Variants in SAMD12 observed in about 807,000 individuals in gnomAD.
SAMD12 encodes the protein sterile alpha motif domain-containing protein 12.
A neutral mutation model predicts 15.0 loss-of-function variants in SAMD12; 9 were observed. The ratio of observed to expected loss-of-function variants is 0.60; its 90% confidence interval spans 0.36 to 1.05. The LOEUF is 1.05. SAMD12 is among the 50% of genes least tolerant of loss of function. The pLI is 0.01. For synonymous variants in SAMD12, 86 were observed against 90.1 expected (o/e 0.96, Z 0.25); for missense variants, 230 against 234.2 (o/e 0.98, Z 0.12).
At chr8:118,560,945 GTCAC>G (rs1458159404) in intron 2 of SAMD12, among the ~76,000 whole-genome samples, 1 of 152,150 alleles carries the variant, frequency 6.6e-6, no homozygotes, top group East Asian at 1.9e-4. Context: ...ACAGGGTTAT[GTCAC>G]TCAGATAATA....
intron 4 of SAMD12, among the ~76,000 whole-genome samples, chr8:118,322,874 T>TA (rs201302381): frequency 2.2e-4 from 25 of 112,846 alleles, no homozygotes; most frequent in African/African-American, 1.1e-3. Context: ...TTTTTTAAAT[T>TA]AAAAAAAATT....
At chr8:118,161,595 A>G in the SAMD12 span, among the ~76,000 whole-genome samples, 1 of 151,858 alleles carries the variant, frequency 6.6e-6, no homozygotes, top group African/African-American at 2.4e-5. Flanking sequence ...GTGAGAAGAA[A>G]TATAAAGACA....
At chr8:118,250,338 G>A (rs190269569) in intron 4 of SAMD12, among the ~76,000 whole-genome samples, 1 of 152,158 alleles carries the variant, frequency 6.6e-6, no homozygotes, top group East Asian at 1.9e-4. Flanking sequence ...AAAAATAAGG[G>A]AGTGATGTAA....
chr8:118,202,207 T>C (rs1819734951), intron 4 of SAMD12, among the ~76,000 whole-genome samples: 1 of 152,240 alleles, frequency 6.6e-6, no homozygotes, highest in South Asian at 2.1e-4. Flanking sequence ...TTATTATTAT[T>C]ATCATGAATT....
chr8:118,600,742 G>A (rs146382791), intron 1 of SAMD12, among the ~76,000 whole-genome samples: 279 of 151,926 alleles, frequency 1.8e-3, no homozygotes, highest in African/African-American at 6.5e-3. Context: ...CAAGAGCCTT[G>A]AAGTCTTATC....
rs28370848 is a variant in SAMD12, at chr8:118,244,173, C to T, written c.434-46441G>A. Among the ~76,000 whole-genome samples, 272 of 152,202 alleles carry T rather than the reference C, an allele frequency of 1.8e-3. 1 individual carries two copies. Among genetic ancestry groups the T allele is most frequent in the African/African-American group, 6.0e-3 (251 of 41,532 alleles). On this transcript the variant is annotated intron_variant, in intron 4 of 4. Transcript: ENST00000409003. ...GCAGCCATTGTTGGAGTACATACTG[C>T]GCATATATAAAGGTGCTAATTCATT...
chr8:118,257,851 C>T (rs1482422175), intron 4 of SAMD12, among the ~76,000 whole-genome samples: 1 of 152,118 alleles, frequency 6.6e-6, no homozygotes, highest in Non-Finnish European at 1.5e-5. Flanking sequence ...GATGTTCAGT[C>T]ATATTAGACA....
the SAMD12 span, among the ~76,000 whole-genome samples, chr8:118,148,513 A>G: frequency 1.3e-5 from 2 of 152,210 alleles, no homozygotes; most frequent in African/African-American, 2.4e-5. Context: ...TGATCTTTTA[A>G]AAAAACTGCT....
chr8:118,251,837 T>A (rs1247354756), intron 4 of SAMD12, among the ~76,000 whole-genome samples: 1 of 152,082 alleles, frequency 6.6e-6, no homozygotes, highest in Non-Finnish European at 1.5e-5. Flanking sequence ...GGGCATCATC[T>A]TCTGTTAGAG....
chr8:118,361,832 G>A (rs901647622), intron 4 of SAMD12, among the ~76,000 whole-genome samples: 3 of 152,122 alleles, frequency 2.0e-5, no homozygotes, highest in Non-Finnish European at 2.9e-5. Context: ...TTAAATTGAT[G>A]TAAGAGACAT....
chr8:118,480,717 T>C (rs940359983), intron 2 of SAMD12, among the ~76,000 whole-genome samples: 1 of 152,178 alleles, frequency 6.6e-6, no homozygotes, highest in Non-Finnish European at 1.5e-5. Context: ...GCTGTCTCCC[T>C]GGTTTCCCAT....
chr8:118,357,115 T>C (rs866206480), intron 4 of SAMD12, among the ~76,000 whole-genome samples: 6 of 152,288 alleles, frequency 3.9e-5, no homozygotes, highest in Middle Eastern at 3.4e-3. Context: ...CTTGTTTAAA[T>C]TGAAAGGGAG....
chr8:118,185,716 T>C (rs1280490320), downstream of SAMD12, among the ~76,000 whole-genome samples: 2 of 152,198 alleles, frequency 1.3e-5, no homozygotes, highest in African/African-American at 4.8e-5. Flanking sequence ...ATGAGCCTTG[T>C]CCAAGGTTAT....
chr8:118,143,728 CA>C, the SAMD12 span, among the ~76,000 whole-genome samples: 3 of 152,058 alleles, frequency 2.0e-5, no homozygotes, highest in African/African-American at 7.2e-5. Context: ...GTATATCAAT[CA>C]GAGAAGAAAA....
the SAMD12 span, among the ~76,000 whole-genome samples, chr8:118,138,457 G>A: frequency 1.3e-5 from 2 of 152,162 alleles, no homozygotes; most frequent in Non-Finnish European, 2.9e-5. Flanking sequence ...GGAGGCTCGG[G>A]TGAGACCCCT....
chr8:118,237,202 A>C (rs1026642626), intron 4 of SAMD12, among the ~76,000 whole-genome samples: 1 of 152,170 alleles, frequency 6.6e-6, no homozygotes, highest in Non-Finnish European at 1.5e-5. Flanking sequence ...CCATGTCTTA[A>C]AAATTTTGTA....
intron 4 of SAMD12, among the ~76,000 whole-genome samples, chr8:118,282,889 T>C (rs1813722915): frequency 6.6e-6 from 1 of 152,250 alleles, no homozygotes; most frequent in East Asian, 1.9e-4. Context: ...TATGTATTTA[T>C]TTATATTTTA....
the SAMD12 span, among the ~76,000 whole-genome samples, chr8:118,167,416 C>A: frequency 7.2e-5 from 11 of 152,068 alleles, no homozygotes; most frequent in Non-Finnish European, 1.5e-4. Context: ...GAACATGGAA[C>A]CTTCACAGAA....
At chr8:118,308,022 T>C (rs1017280864) in intron 4 of SAMD12, among the ~76,000 whole-genome samples, 4 of 152,240 alleles carry the variant, frequency 2.6e-5, no homozygotes, top group African/African-American at 4.8e-5. Flanking sequence ...CTGTAACTGT[T>C]CCCCTTCTGC....
Sources: allele counts gnomAD v4.1 joint callset (sites outside exome capture counted in the v4.1 genomes callset), GRCh38; gene constraint gnomAD v4.1.1; transcripts MANE v1.5; gene names NCBI Gene and HGNC (gene_info 2026-07-23, HGNC 2026-07-21).